ST8SIA4: variants seen among roughly 807,000 people sequenced by gnomAD.
ST8SIA4 encodes the protein ST8 alpha-N-acetyl-neuraminide alpha-2,8-sialyltransferase 4.
A neutral mutation model predicts 33.9 loss-of-function variants in ST8SIA4; 15 were observed. The observed-to-expected ratio is 0.44, with a 90% CI of 0.30 to 0.68. The LOEUF is 0.68. Ranked by LOEUF, ST8SIA4 falls within the 30% of genes least tolerant of loss-of-function variation. ST8SIA4 has a pLI of 0.10. For synonymous variants in ST8SIA4, 171 were observed against 151.2 expected (o/e 1.13, Z -0.96); for missense variants, 321 against 428.0 (o/e 0.75, Z 2.21).
At chr5:100,816,117 A>T (rs1042289210) in intron 4 of ST8SIA4, among the ~76,000 whole-genome samples, 2 of 152,160 alleles carry the variant, frequency 1.3e-5, no homozygotes, top group Admixed American at 1.3e-4. Context: ...ATTCAATTGC[A>T]GTTTCAAATC....
rs1750737016 is a variant in ST8SIA4 at position 100,808,362 on chromosome 5, C to A, written c.*3485G>T. On this transcript the variant is annotated 3_prime_UTR_variant, in exon 5 of 5. Coordinates refer to ENST00000231461, the MANE Select transcript of ST8SIA4 (RefSeq NM_005668.6). Reference sequence around the variant, plus strand: ...CACCTTCTTTCAGATAGAAAAACTTCCGCAGTAGTTTCAACAGTCCTGTGG... The same window carrying A: ...CACCTTCTTTCAGATAGAAAAACTTACGCAGTAGTTTCAACAGTCCTGTGG... 1 of 152,648 alleles carries A rather than the reference C, an allele frequency of 6.6e-6. No homozygotes were observed. Among genetic ancestry groups the A allele is most frequent in the African/African-American group, 2.4e-5 (1 of 41,448 alleles). 9.5% of individuals were successfully genotyped at this position (152,648 alleles called of 1,614,324 possible). A position where few individuals can be genotyped will look rare whatever the true frequency, so the allele number is the denominator to read the frequency against.
chr5:100,825,483 A>T (rs1252001156), intron 4 of ST8SIA4, among the ~76,000 whole-genome samples: 1 of 152,328 alleles, frequency 6.6e-6, no homozygotes, highest in Non-Finnish European at 1.5e-5. Flanking sequence ...TAGCATATGA[A>T]GTTTTCAAAT....
At chr5:100,857,803 T>C (rs1463585134) in intron 3 of ST8SIA4, among the ~76,000 whole-genome samples, 1 of 152,000 alleles carries the variant, frequency 6.6e-6, no homozygotes, top group African/African-American at 2.4e-5. Context: ...ACAACAAATA[T>C]ATTTCATCTC....
At position 100,808,707 on chromosome 5, in the gene ST8SIA4, C is replaced by A. The variant is rs561580974; in HGVS notation, c.*3140G>T. ...TTTGATTTTGTCATGATCCTTTATG[C>A]TCCGCTATTGGTTAAATCTCAACTC... On this transcript the variant is annotated 3_prime_UTR_variant, in exon 5 of 5. Coordinates refer to ENST00000231461, the MANE Select transcript of ST8SIA4 (RefSeq NM_005668.6). The A allele has an allele frequency of 1.2e-4, 18 of 152,792 alleles. No individual in the cohort carries two copies. In the South Asian group the frequency reaches 3.7e-3, roughly 32 times the overall value. The allele number at this position is 152,792 out of a possible 1,614,324, so 9.5% of individuals were successfully genotyped here.
chr5:100,857,083 C>T (rs1254278464), intron 3 of ST8SIA4, among the ~76,000 whole-genome samples: 5 of 152,054 alleles, frequency 3.3e-5, no homozygotes, highest in African/African-American at 1.2e-4. Context: ...TATTTTAGGA[C>T]ATCCTCAAAA....
intron 4 of ST8SIA4, among the ~76,000 whole-genome samples, chr5:100,828,365 T>C (rs149398493): frequency 2.0e-5 from 3 of 152,184 alleles, no homozygotes; most frequent in Admixed American, 2.0e-4. Context: ...CATAGCTCCC[T>C]GAGAAAGCAA....
chr5:100,864,574 C>CAAAAAAAAAAAAAAAA (rs201029430), intron 3 of ST8SIA4, among the ~76,000 whole-genome samples: 1 of 69,384 alleles, frequency 1.4e-5, no homozygotes, highest in Non-Finnish European at 2.6e-5. Context: ...GACTCCGGCT[C>CAAAAAAAAAAAAAAAA]AAAAAAAAAA....
chr5:100,871,119 T>C (rs77688128), intron 3 of ST8SIA4, among the ~76,000 whole-genome samples: 1 of 152,102 alleles, frequency 6.6e-6, no homozygotes, highest in African/African-American at 2.4e-5. Context: ...AGTAGAAGGA[T>C]AAAGTCTTAA....
intron 4 of ST8SIA4, among the ~76,000 whole-genome samples, chr5:100,812,611 C>A (rs1255169745): frequency 6.6e-6 from 1 of 152,066 alleles, no homozygotes; most frequent in East Asian, 1.9e-4. Flanking sequence ...GTTATATCAA[C>A]TGATTTATTC....
intron 2 of ST8SIA4, among the ~76,000 whole-genome samples, chr5:100,894,758 A>G (rs939997705): frequency 1.3e-5 from 2 of 152,092 alleles, no homozygotes. Flanking sequence ...ACAAGAAGTG[A>G]GTAGGTAGAA....
At position 100,807,703 on chromosome 5, in the gene ST8SIA4, T is replaced by C. The variant is rs1249955060; in HGVS notation, c.*4144A>G. ...AAGTCTCAAAAGAACTTCTTTATTC[T>C]AAAGTGGACTTACTTATCTCCAGGG... On this transcript the variant is annotated 3_prime_UTR_variant, in exon 5 of 5. Coordinates refer to ENST00000231461, the MANE Select transcript of ST8SIA4 (RefSeq NM_005668.6). 2 of 152,564 alleles carry C rather than the reference T, an allele frequency of 1.3e-5. No homozygotes were observed. The highest frequency in any genetic ancestry group is 6.5e-5 in the Admixed American group (1 of 15,276). 9.5% of individuals were successfully genotyped at this position (152,564 alleles called of 1,614,324 possible). A position where few individuals can be genotyped will look rare whatever the true frequency, so the allele number is the denominator to read the frequency against.
Position 100,809,485 on chromosome 5 carries a change from A to C in ST8SIA4, c.*2362T>G, listed in dbSNP as rs919697580. The C allele has an allele frequency of 3.3e-5, 5 of 152,050 alleles. No individual in the cohort carries two copies. The highest frequency in any genetic ancestry group is 1.2e-4 in the African/African-American group (5 of 41,392). The allele number at this position is 152,050 out of a possible 1,614,324, so 9.4% of individuals were successfully genotyped here. A position where few individuals can be genotyped will look rare whatever the true frequency, so the allele number is the denominator to read the frequency against. On this transcript the variant is annotated 3_prime_UTR_variant, in exon 5 of 5. Coordinates refer to ENST00000231461, the MANE Select transcript of ST8SIA4 (RefSeq NM_005668.6). Reference sequence around the variant, plus strand: ...AAAAAAGAAAAAAGAAAAAGGAAGAAAATATGCTAAAAATGGCAAGGTACC... The same window carrying C: ...AAAAAAGAAAAAAGAAAAAGGAAGACAATATGCTAAAAATGGCAAGGTACC...
At chr5:100,819,593 T>G (rs1004905613) in intron 4 of ST8SIA4, among the ~76,000 whole-genome samples, 4 of 152,184 alleles carry the variant, frequency 2.6e-5, no homozygotes, top group African/African-American at 9.7e-5. Flanking sequence ...ACAAGCAAGC[T>G]CCAGTATTCT....
chr5:100,829,941 C>G (rs1751218291), intron 4 of ST8SIA4, among the ~76,000 whole-genome samples: 1 of 151,026 alleles, frequency 6.6e-6, no homozygotes, highest in African/African-American at 2.4e-5. Context: ...TACAACACTT[C>G]TATCTAGCAA....
At chr5:100,835,855 A>G (rs1266906939) in intron 4 of ST8SIA4, among the ~76,000 whole-genome samples, 1 of 152,164 alleles carries the variant, frequency 6.6e-6, no homozygotes, top group Non-Finnish European at 1.5e-5. Context: ...AAATTGAGAG[A>G]GATATAGAAG....
chr5:100,867,953 G>C (rs1006953547), intron 3 of ST8SIA4, among the ~76,000 whole-genome samples: 1 of 151,796 alleles, frequency 6.6e-6, no homozygotes, highest in Non-Finnish European at 1.5e-5. Flanking sequence ...TTATTCTAAG[G>C]GGATCATTCT....
chr5:100,885,220 T>A (rs1752510592), intron 3 of ST8SIA4: 1 of 312,656 alleles, frequency 3.2e-6, no homozygotes, highest in Admixed American at 6.5e-5. Context: ...TCTCTTATAG[T>A]CTAATTAGTT....
rs1000344892 is a variant in ST8SIA4, at chr5:100,811,837, A to C, written c.*10T>G. On this transcript the variant is annotated 3_prime_UTR_variant, in exon 5 of 5. Coordinates refer to ENST00000231461, the MANE Select transcript of ST8SIA4 (RefSeq NM_005668.6). Reference sequence around the variant, plus strand: ...AAAAGAAGTGCATATTGTTTGTTTCAAAATGTGCTTTATTGCTTTACACAC... The same window carrying C: ...AAAAGAAGTGCATATTGTTTGTTTCCAAATGTGCTTTATTGCTTTACACAC... 3 of 1,592,090 alleles carry C rather than the reference A, an allele frequency of 1.9e-6. No homozygotes were observed. The highest frequency in any genetic ancestry group is 8.6e-7 in the Non-Finnish European group (1 of 1,169,076).
chr5:100,890,338 A>G (rs1189653299), intron 2 of ST8SIA4, among the ~76,000 whole-genome samples: 1 of 151,914 alleles, frequency 6.6e-6, no homozygotes, highest in Admixed American at 6.6e-5. Context: ...GCTAAATGTC[A>G]TTGGAAGCAT....
Sources: gnomAD v4.1 joint callset for allele counts (sites outside exome capture counted in the v4.1 genomes callset) on GRCh38, gnomAD v4.1.1 for gene constraint, MANE v1.5 for transcripts, NCBI Gene and HGNC (gene_info 2026-07-23, HGNC 2026-07-21) for gene names.